The following KIAA0513 variants were observed in gnomAD, a reference collection of about 807,000 sequenced individuals.
The protein encoded by KIAA0513 is KIAA0513, also known as uncharacterized protein KIAA0513.
KIAA0513 carries 39 observed loss-of-function variants against 56.5 expected under a neutral mutation model. The ratio of observed to expected loss-of-function variants is 0.69; its 90% CI spans 0.53 to 0.90. KIAA0513 has a LOEUF of 0.90. KIAA0513 is among the 40% of genes least tolerant of loss of function. The pLI is 0.00. For synonymous variants in KIAA0513, 268 were observed against 215.6 expected (o/e 1.24, Z -2.13); for missense variants, 591 against 535.2 (o/e 1.10, Z -1.03).
intron 3 of KIAA0513, 55 bp downstream of exon 3, chr16:85,071,937 G>T: frequency 8.4e-7 from 1 of 1,190,970 alleles, no homozygotes. Flanking sequence ...AGAATCTAGT[G>T]AAGCATAACA....
intron 10 of KIAA0513, among the ~76,000 whole-genome samples, chr16:85,083,247 C>G (rs562650249): frequency 6.6e-6 from 1 of 152,310 alleles, no homozygotes; most frequent in African/African-American, 2.4e-5. Context: ...CTCTCTGTTC[C>G]CCTTTCTGTG....
Position 85,081,090 on chromosome 16 carries a change from G to C in KIAA0513, c.903-225G>C, listed in dbSNP as rs1224935777. On this transcript the variant is annotated intron_variant, in intron 8 of 12. Coordinates refer to ENST00000683363, the MANE Select transcript of KIAA0513 (RefSeq NM_001388359.1). This position sits in a 1 kb window ranked among gnomAD's most constrained non-coding sequence, Gnocchi z 4.4. ...TATCATAGCTTTCCCTCCCACTTGCGCCATCTCTCCTAAGAGATACGCAGC... is the reference window on the plus strand; with the variant it reads ...TATCATAGCTTTCCCTCCCACTTGCCCCATCTCTCCTAAGAGATACGCAGC... Among the ~76,000 whole-genome samples, 1 of 152,148 alleles carries C rather than the reference G, an allele frequency of 6.6e-6. No individual in the cohort carries two copies. The highest frequency in any genetic ancestry group is 1.5e-5 in the Non-Finnish European group (1 of 68,038).
chr16:85,060,628 C>A (rs1230028976), intron 1 of KIAA0513, among the ~76,000 whole-genome samples: 2 of 152,060 alleles, frequency 1.3e-5, no homozygotes, highest in East Asian at 3.9e-4. Context: ...TGCTGGGGCC[C>A]AGGAGTTTGA....
intron 8 of KIAA0513, among the ~76,000 whole-genome samples, chr16:85,080,985 A>C (rs982737318): frequency 4.0e-5 from 6 of 151,496 alleles, no homozygotes; most frequent in Non-Finnish European, 8.8e-5. Flanking sequence ...AGAAGAAGAA[A>C]ACGACCCACC....
chr16:85,029,640 C>T (rs147282538), intron 1 of KIAA0513, among the ~76,000 whole-genome samples: 1 of 152,286 alleles, frequency 6.6e-6, no homozygotes, highest in East Asian at 1.9e-4. Flanking sequence ...CCTCCCACCT[C>T]CTCCCTCCTT....
chr16:85,044,609 C>T (rs1222861927), intron 1 of KIAA0513, among the ~76,000 whole-genome samples: 2 of 151,680 alleles, frequency 1.3e-5, no homozygotes, highest in East Asian at 1.9e-4. Flanking sequence ...CAGGCTCAAG[C>T]GGTTCTTCTG....
At chr16:85,047,681 G>GA (rs2073190518) in intron 1 of KIAA0513, among the ~76,000 whole-genome samples, 1 of 152,054 alleles carries the variant, frequency 6.6e-6, no homozygotes, top group South Asian at 2.1e-4. Flanking sequence ...AGGGAGAAAG[G>GA]AAAAAACCCA....
intron 4 of KIAA0513, among the ~76,000 whole-genome samples, chr16:85,075,022 T>C (rs1176151582): frequency 6.7e-6 from 1 of 150,082 alleles, no homozygotes; most frequent in East Asian, 1.9e-4. Flanking sequence ...CCTGAGCATA[T>C]ATATGTTTGT....
chr16:85,069,089 G>A (rs113060239), intron 2 of KIAA0513, among the ~76,000 whole-genome samples: 6,083 of 152,066 alleles, frequency 0.04, 133 homozygotes, highest in Non-Finnish European at 0.053. Context: ...GGAGTGCAGC[G>A]ACACAATCAC....
rs972414974 is a variant in KIAA0513 at position 85,076,379 on chromosome 16, G to A, written c.574+465G>A. Reference sequence around the variant, plus strand: ...GCTGGAGATGGCTTATGAGGAGTGCGGACTGTGCTTGATGCTGAGGCTAGG... The same window carrying A: ...GCTGGAGATGGCTTATGAGGAGTGCAGACTGTGCTTGATGCTGAGGCTAGG... On this transcript the variant is annotated intron_variant, in intron 5 of 12. Coordinates refer to ENST00000683363, the MANE Select transcript of KIAA0513 (RefSeq NM_001388359.1). The surrounding 1 kb of genome is among the most constrained non-coding windows in gnomAD (Gnocchi z 4.7). Among the ~76,000 whole-genome samples, 5 of 152,268 alleles carry A rather than the reference G, an allele frequency of 3.3e-5. No homozygotes were observed. The highest frequency in any genetic ancestry group is 9.6e-5 in the African/African-American group (4 of 41,538).
chr16:85,057,436 G>A (rs1036287146), intron 1 of KIAA0513, among the ~76,000 whole-genome samples: 2 of 152,216 alleles, frequency 1.3e-5, no homozygotes, highest in Non-Finnish European at 1.5e-5. Flanking sequence ...GCTGGACTCT[G>A]CAACTGACCT....
intron 1 of KIAA0513, among the ~76,000 whole-genome samples, chr16:85,046,603 C>T (rs2073174572): frequency 6.6e-6 from 1 of 152,200 alleles, no homozygotes; most frequent in Non-Finnish European, 1.5e-5. Context: ...TCGAGGTCAG[C>T]TGGTGATACA....
chr16:85,065,696 G>C (rs1039087968), intron 1 of KIAA0513, among the ~76,000 whole-genome samples: 1 of 152,216 alleles, frequency 6.6e-6, no homozygotes, highest in South Asian at 2.1e-4. Context: ...CATTGTCCTA[G>C]ATATTTGGGG....
chr16:85,071,681 G>C, intron 2 of KIAA0513, 102 bp from the exon 3 acceptor site: 1 of 953,128 alleles, frequency 1.0e-6, no homozygotes, highest in Non-Finnish European at 1.6e-6. Context: ...GCTTGGCTGG[G>C]GAATATTTCG....
chr16:85,046,850 C>A (rs1369682102), intron 1 of KIAA0513, among the ~76,000 whole-genome samples: 1 of 152,200 alleles, frequency 6.6e-6, no homozygotes, highest in Non-Finnish European at 1.5e-5. Flanking sequence ...GTTAAGAATA[C>A]CCCTCCTTAC....
intron 9 of KIAA0513, 59 bp from the exon 10 acceptor site, chr16:85,082,505 A>G: frequency 1.3e-6 from 2 of 1,567,464 alleles, no homozygotes; most frequent in Non-Finnish European, 1.8e-6. Context: ...TTTACCATCC[A>G]CATATCTTGC....
chr16:85,088,443 C>G lies in KIAA0513; in HGVS notation c.*118C>G, dbSNP rs1374355808. On this transcript the variant is annotated 3_prime_UTR_variant, in exon 13 of 13. Transcript: ENST00000683363. ...GAAGCCAGCAGCACCCAGAGCCACT[C>G]CTGCTGCCCTAGAACTAGCGGTTAG... The G allele has an allele frequency of 1.3e-6, 1 of 793,990 alleles. No homozygotes were observed. 49.2% of individuals were successfully genotyped at this position (793,990 alleles called of 1,614,324 possible).
intron 1 of KIAA0513, among the ~76,000 whole-genome samples, chr16:85,056,860 T>C (rs2073337584): frequency 6.6e-6 from 1 of 152,034 alleles, no homozygotes; most frequent in Non-Finnish European, 1.5e-5. Context: ...GCCTCCATGC[T>C]TGGCTAATTA....
Position 85,088,555 on chromosome 16 carries a change from A to G in KIAA0513, c.*230A>G, listed in dbSNP as rs1177956677. ...AAAGTGTCCCTTGGGTCACACAGCT[A>G]AAGCCGAGGTGACCAGTTGTACCCC... is the stretch of plus-strand genomic sequence containing the variant. On this transcript the variant is annotated 3_prime_UTR_variant, in exon 13 of 13. Coordinates refer to ENST00000683363, the MANE Select transcript of KIAA0513 (RefSeq NM_001388359.1). 3 of 560,952 alleles carry G rather than the reference A, an allele frequency of 5.3e-6. No homozygotes were observed. Among genetic ancestry groups the G allele is most frequent in the Non-Finnish European group, 9.6e-6 (3 of 312,182 alleles). The allele number at this position is 560,952 out of a possible 1,614,324, so 34.7% of individuals were successfully genotyped here. A position where few individuals can be genotyped will look rare whatever the true frequency, so the allele number is the denominator to read the frequency against.
Sources: allele counts gnomAD v4.1 joint callset (sites outside exome capture counted in the v4.1 genomes callset), GRCh38; gene constraint gnomAD v4.1.1; non-coding constraint Gnocchi (gnomAD v3.1); transcripts MANE v1.5; gene names NCBI Gene and HGNC (gene_info 2026-07-23, HGNC 2026-07-21).